GALNT18: variants seen among roughly 807,000 people sequenced by gnomAD.
GALNT18 encodes polypeptide N-acetylgalactosaminyltransferase 18, also known as GalNAc-transferase 18.
In GALNT18, 44 loss-of-function variants were observed where a neutral mutation model predicts 69.5. That is an observed-to-expected ratio of 0.63 (90% confidence interval 0.50 to 0.81). GALNT18 has a LOEUF of 0.81. Ranked by LOEUF, GALNT18 falls within the 40% of genes least tolerant of loss-of-function variation. GALNT18 has a pLI of 0.00. For missense variants in GALNT18, 715 were observed against 810.0 expected (o/e 0.88, Z 1.42); for synonymous variants, 364 against 318.2 (o/e 1.14, Z -1.53).
chr11:11,548,269 A>G (rs938790389), intron 1 of GALNT18, among the ~76,000 whole-genome samples: 5 of 152,230 alleles, frequency 3.3e-5, no homozygotes, highest in African/African-American at 1.2e-4. Context: ...TGACATTTCC[A>G]ATCAATCTTG....
intron 9 of GALNT18, among the ~76,000 whole-genome samples, chr11:11,302,942 T>C (rs1029627534): frequency 2.6e-5 from 4 of 152,180 alleles, no homozygotes; most frequent in Non-Finnish European, 5.9e-5. Context: ...ACAATCCCCC[T>C]CGGGGCTCAG....
In GALNT18 at chr11:11,533,894, TTACTGCCTGCCTGGCA is replaced by T. The variant is rs1857713780; in HGVS notation, c.236-84974_236-84959del. 2.0e-5 allele frequency among the ~76,000 whole-genome samples: 3 copies of T among 152,376 alleles called. No individual in the cohort carries two copies. In the South Asian group the frequency reaches 6.2e-4, roughly 32 times the overall value. The stretch of plus-strand genomic sequence containing the variant: ...GACGTGGCATGGGGCCATGACTTGC[TTACTGCCTGCCTGGCA>T]GATGGAGTAGGGCTGGGTCTGTCAT... On this transcript the variant is annotated intron_variant, in intron 1 of 10. Transcript: ENST00000227756.
At chr11:11,394,551 T>C (rs1236366368) in intron 3 of GALNT18, among the ~76,000 whole-genome samples, 2 of 152,346 alleles carry the variant, frequency 1.3e-5, no homozygotes, top group South Asian at 4.1e-4. Context: ...TTAAAAACTC[T>C]ACTGTAGCAG....
chr11:11,273,832 T>C (rs939043149), intron 10 of GALNT18, among the ~76,000 whole-genome samples: 1 of 152,120 alleles, frequency 6.6e-6, no homozygotes, highest in African/African-American at 2.4e-5. Context: ...GAATATGTGG[T>C]ATATACACAG....
In GALNT18 at chr11:11,617,938, C is replaced by T. The variant is rs778693456; in HGVS notation, c.235+3421G>A. ...ACCCCCAGGATGCTTTTTTTAAAAA[C>T]TCATAAGTTATCCACCCTCTCATTT... On this transcript the variant is annotated intron_variant, in intron 1 of 10. Coordinates refer to ENST00000227756, the MANE Select transcript of GALNT18 (RefSeq NM_198516.3). The surrounding 1 kb of genome is among the most constrained non-coding windows in gnomAD (Gnocchi z 4.7). Among the ~76,000 whole-genome samples, 1 of 152,100 alleles carries T rather than the reference C, an allele frequency of 6.6e-6. No homozygotes were observed. Among genetic ancestry groups the T allele is most frequent in the Non-Finnish European group, 1.5e-5 (1 of 68,008 alleles).
chr11:11,354,872 T>A (rs1191053025), intron 6 of GALNT18, among the ~76,000 whole-genome samples: 1 of 152,120 alleles, frequency 6.6e-6, no homozygotes, highest in Non-Finnish European at 1.5e-5. Flanking sequence ...CCCTCATCCA[T>A]CTAATAGCCG....
chr11:11,420,106 G>A (rs1389334804), intron 3 of GALNT18, among the ~76,000 whole-genome samples: 2 of 151,804 alleles, frequency 1.3e-5, no homozygotes, highest in African/African-American at 4.8e-5. Context: ...GAGTCGATTA[G>A]GACTCTCATT....
At position 11,332,689 on chromosome 11, in the gene GALNT18, C is replaced by G; in HGVS notation, c.1416+5G>C. 6.2e-7 allele frequency: 1 copy of G among 1,614,056 alleles called. No individual in the cohort carries two copies. Among genetic ancestry groups the G allele is most frequent in the Middle Eastern group, 1.7e-4 (1 of 6,054 alleles). ...AATGAAACCCGGAGGAGGCCAGCTCCTTACCACTCCATAGGCAATGATGTC... is the reference window on the plus strand; with the variant it reads ...AATGAAACCCGGAGGAGGCCAGCTCGTTACCACTCCATAGGCAATGATGTC... On this transcript the variant is annotated splice_donor_5th_base_variant and intron_variant, in intron 8 of 10. Transcript: ENST00000227756. The surrounding 1 kb of genome is among the most constrained non-coding windows in gnomAD (Gnocchi z 4.3).
intron 1 of GALNT18, among the ~76,000 whole-genome samples, chr11:11,514,548 G>A (rs1025338168): frequency 6.6e-6 from 1 of 152,226 alleles, no homozygotes; most frequent in African/African-American, 2.4e-5. Context: ...ATTTCCCATT[G>A]CTTGTCACCC....
At chr11:11,457,629 A>C (rs1409713103) in intron 1 of GALNT18, among the ~76,000 whole-genome samples, 1 of 152,072 alleles carries the variant, frequency 6.6e-6, no homozygotes, top group Non-Finnish European at 1.5e-5. Context: ...CTGGCTGAGG[A>C]CCCCTGGCCC....
Position 11,598,683 on chromosome 11 carries a change from A to G in GALNT18, c.235+22676T>C, listed in dbSNP as rs370038111. ...TTGGAGAAACTTTTGTCAACCTATC[A>G]CAGCTAGGTAATTAAGATATTTTTT... On this transcript the variant is annotated intron_variant, in intron 1 of 10. Coordinates refer to ENST00000227756, the MANE Select transcript of GALNT18 (RefSeq NM_198516.3). The surrounding 1 kb of genome is among the most constrained non-coding windows in gnomAD (Gnocchi z 4.8). 3.3e-5 allele frequency among the ~76,000 whole-genome samples: 5 copies of G among 152,304 alleles called. No homozygotes were observed. In the South Asian group the frequency reaches 8.3e-4, roughly 25 times the overall value.
chr11:11,396,152 G>A lies in GALNT18; in HGVS notation c.596-16888C>T, dbSNP rs188561143. 2.0e-5 allele frequency among the ~76,000 whole-genome samples: 3 copies of A among 152,334 alleles called. No individual in the cohort carries two copies. Among genetic ancestry groups the A allele is most frequent in the East Asian group, 3.9e-4 (2 of 5,186 alleles). ...GTCTTTAAAGTCTGGGCAGGAAACCGAGGAACTCGGATAGCTGTGTGATAC... is the reference window on the plus strand; with the variant it reads ...GTCTTTAAAGTCTGGGCAGGAAACCAAGGAACTCGGATAGCTGTGTGATAC... On this transcript the variant is annotated intron_variant, in intron 3 of 10. Transcript: ENST00000227756. This position sits in a 1 kb window ranked among gnomAD's most constrained non-coding sequence, Gnocchi z 5.2.
chr11:11,561,595 G>A (rs183891931), intron 1 of GALNT18, among the ~76,000 whole-genome samples: 17 of 152,334 alleles, frequency 1.1e-4, no homozygotes, highest in African/African-American at 1.7e-4. Flanking sequence ...GGAAAGGCTC[G>A]TTGACCTCAT....
intron 1 of GALNT18, among the ~76,000 whole-genome samples, chr11:11,509,696 A>C (rs961778917): frequency 6.6e-6 from 1 of 152,246 alleles, no homozygotes; most frequent in African/African-American, 2.4e-5. Flanking sequence ...AAATAAATAG[A>C]GGCCTCAGCC....
At chr11:11,401,839 A>G (rs1050690109) in intron 3 of GALNT18, among the ~76,000 whole-genome samples, 1 of 152,208 alleles carries the variant, frequency 6.6e-6, no homozygotes, top group African/African-American at 2.4e-5. Flanking sequence ...AGATACAACA[A>G]TAGATCCATA....
chr11:11,544,098 G>T (rs148559411), intron 1 of GALNT18, among the ~76,000 whole-genome samples: 1 of 152,326 alleles, frequency 6.6e-6, no homozygotes, highest in South Asian at 2.1e-4. Flanking sequence ...ATGGCAGATG[G>T]GTCTAGCCAG....
At chr11:11,406,181 A>C (rs1037146588) in intron 3 of GALNT18, among the ~76,000 whole-genome samples, 3 of 152,260 alleles carry the variant, frequency 2.0e-5, no homozygotes, top group African/African-American at 7.2e-5. Flanking sequence ...ATTTTAAAAT[A>C]ATAGCCATAT....
Position 11,302,474 on chromosome 11 carries a change from C to A in GALNT18, c.1513-9281G>T, listed in dbSNP as rs542302974. The stretch of plus-strand genomic sequence containing the variant: ...TTCCTCCTCCTGCCCTCTGCCTGCA[C>A]CCCCCAGACCAGCCTGGCTGCCTGG... On this transcript the variant is annotated intron_variant, in intron 9 of 10. Transcript: ENST00000227756. 7.2e-5 allele frequency among the ~76,000 whole-genome samples: 11 copies of A among 152,220 alleles called. No homozygotes were observed. In the South Asian group the frequency reaches 2.3e-3, roughly 32 times the overall value.
At chr11:11,297,494 C>T (rs1849421981) in intron 9 of GALNT18, among the ~76,000 whole-genome samples, 1 of 152,154 alleles carries the variant, frequency 6.6e-6, no homozygotes, top group Non-Finnish European at 1.5e-5. Flanking sequence ...GACCACTCAC[C>T]TCCCTTGCCC....
Sources: gnomAD v4.1 joint callset for allele counts (sites outside exome capture counted in the v4.1 genomes callset) on GRCh38, gnomAD v4.1.1 for gene constraint, Gnocchi (gnomAD v3.1) non-coding constraint, MANE v1.5 for transcripts, NCBI Gene and HGNC (gene_info 2026-07-23, HGNC 2026-07-21) for gene names.